The following TMEM50B variants were observed in gnomAD, a reference collection of about 807,000 sequenced individuals.
TMEM50B encodes transmembrane protein 50B.
In TMEM50B, 14 loss-of-function variants were observed where a neutral mutation model predicts 23.4. That is an observed-to-expected ratio of 0.60 (90% confidence interval 0.39 to 0.93). TMEM50B has a LOEUF of 0.93. Ranked by LOEUF, TMEM50B falls within the 40% of genes least tolerant of loss-of-function variation. TMEM50B has a pLI of 0.00. For missense variants in TMEM50B, 159 were observed against 193.0 expected (o/e 0.82, Z 1.04); for synonymous variants, 64 against 62.3 (o/e 1.03, Z -0.13).
downstream of TMEM50B, among the ~76,000 whole-genome samples, chr21:33,444,592 G>A (rs2084035840): frequency 6.6e-6 from 1 of 151,778 alleles, no homozygotes; most frequent in Non-Finnish European, 1.5e-5. Context: ...CATGGTGGGA[G>A]GGAAGTACAC....
chr21:33,457,130 T>C (rs2084176227), intron 5 of TMEM50B, among the ~76,000 whole-genome samples: 1 of 151,628 alleles, frequency 6.6e-6, no homozygotes, highest in East Asian at 2.0e-4. Context: ...GGTGGATGGC[T>C]GTAATCCCAG....
intron 8 of TMEM50B, chr21:33,436,908 G>C: frequency 1.2e-6 from 2 of 1,613,974 alleles, no homozygotes; most frequent in African/African-American, 1.3e-5. Flanking sequence ...GGGACTCTGT[G>C]TCCATTATCT....
chr21:33,441,615 T>TTTTGTGATCATTTTTATTTA (rs1165890183), intron 7 of TMEM50B, among the ~76,000 whole-genome samples: 1 of 152,002 alleles, frequency 6.6e-6, no homozygotes, highest in Non-Finnish European at 1.5e-5. Flanking sequence ...TTTTGCAGTC[T>TTTTGTGATCATTTTTATTTA]TTTGTGATCA....
chr21:33,456,044 C>T (rs1391467224), intron 5 of TMEM50B: 2 of 664,240 alleles, frequency 3.0e-6, no homozygotes, highest in African/African-American at 1.8e-5. Context: ...GTTCTAGCTA[C>T]ATCAAAACTG....
At chr21:33,455,174 CAT>C (rs1276065857) in intron 6 of TMEM50B, among the ~76,000 whole-genome samples, 1 of 151,886 alleles carries the variant, frequency 6.6e-6, no homozygotes, top group Non-Finnish European at 1.5e-5. Context: ...TAACACCTGA[CAT>C]ATATTTAAAA....
Position 33,432,992 on chromosome 21 carries a change from T to C in TMEM50B, c.*2121-190A>G, listed in dbSNP as rs1033086578. ...CCTCCATCTCCCAGGTTCAAGCGAT[T>C]CTCCTGCCTCAGCCTCCTGAGTAGC... On this transcript the variant is annotated intron_variant and NMD_transcript_variant, in intron 8 of 8. Transcript: ENST00000420455. 3 of 822,096 alleles carry C rather than the reference T, an allele frequency of 3.6e-6. No individual in the cohort carries two copies. The African/African-American group carries it at 5.1e-5, about 14-fold the overall frequency. The allele number at this position is 822,096 out of a possible 1,614,324, so 50.9% of individuals were successfully genotyped here. A position where few individuals can be genotyped will look rare whatever the true frequency, so the allele number is the denominator to read the frequency against.
At chr21:33,434,239 C>T (rs1278318364) in intron 8 of TMEM50B, among the ~76,000 whole-genome samples, 2 of 152,000 alleles carry the variant, frequency 1.3e-5, no homozygotes, top group Non-Finnish European at 1.5e-5. Flanking sequence ...AAAGCATTTG[C>T]AGCCGGGCGC....
chr21:33,464,354 C>T (rs544599035), intron 4 of TMEM50B, among the ~76,000 whole-genome samples: 80 of 151,760 alleles, frequency 5.3e-4, no homozygotes, highest in African/African-American at 1.9e-3. Flanking sequence ...TGTGTCACCA[C>T]GCCTGGCTAA....
At chr21:33,448,024 GC>G (rs1438386836), downstream of TMEM50B, among the ~76,000 whole-genome samples, 2 of 151,948 alleles carry the variant, frequency 1.3e-5, no homozygotes, top group African/African-American at 4.8e-5. Flanking sequence ...ACGGAGTCTC[GC>G]TTTGTCACCC....
chr21:33,455,674 A>G, intron 6 of TMEM50B, 53 bp downstream of exon 6: 5 of 1,429,312 alleles, frequency 3.5e-6, no homozygotes, highest in Non-Finnish European at 4.9e-6. Flanking sequence ...GCCTTAATTA[A>G]GTTGACATTT....
intron 6 of TMEM50B, among the ~76,000 whole-genome samples, chr21:33,454,863 T>C (rs1202403655): frequency 6.6e-6 from 1 of 151,822 alleles, no homozygotes; most frequent in African/African-American, 2.4e-5. Context: ...GTGGCTATAA[T>C]CCCAGCACTT....
intron 1 of TMEM50B, among the ~76,000 whole-genome samples, chr21:33,471,086 G>A (rs911144811): frequency 1.1e-4 from 16 of 152,042 alleles, no homozygotes; most frequent in African/African-American, 3.6e-4. Context: ...GAAATTGAAG[G>A]GGGACATCTC....
At chr21:33,463,287 G>A (rs7283459) in intron 4 of TMEM50B, among the ~76,000 whole-genome samples, 62,828 of 152,064 alleles carry the variant, frequency 0.41, 15,047 homozygotes, top group Non-Finnish European at 0.54. Context: ...GCGAGACTCC[G>A]TCTCAAACAA....
intron 1 of TMEM50B, among the ~76,000 whole-genome samples, chr21:33,478,639 A>C (rs1373740290): frequency 6.6e-6 from 1 of 152,148 alleles, no homozygotes; most frequent in Non-Finnish European, 1.5e-5. Context: ...CCGGAAGAAG[A>C]AATATACGTC....
rs1270373357 is a variant in TMEM50B at position 33,466,534 on chromosome 21, A to C, written c.212+476T>G. Among the ~76,000 whole-genome samples, 5 of 152,166 alleles carry C rather than the reference A, an allele frequency of 3.3e-5. No individual in the cohort carries two copies. In the East Asian group the frequency reaches 5.8e-4, roughly 18 times the overall value. ...CAAGGTAAAAGTTGAGTGTACTACA[A>C]CACCTACGGGTGATTTACTACTAAA... On this transcript the variant is annotated intron_variant, in intron 3 of 6. Transcript: ENST00000542230.
intron 8 of TMEM50B, chr21:33,437,139 T>C (rs80105113): frequency 3.2e-5 from 19 of 584,830 alleles, no homozygotes; most frequent in African/African-American, 2.3e-4. Context: ...TTTTTTTTTT[T>C]CTTAAAGAAT....
At chr21:33,454,449 C>T (rs2084150867) in intron 6 of TMEM50B, among the ~76,000 whole-genome samples, 1 of 151,998 alleles carries the variant, frequency 6.6e-6, no homozygotes, top group Admixed American at 6.6e-5. Flanking sequence ...TACAGGCACA[C>T]ACCACCATGC....
intron 4 of TMEM50B, among the ~76,000 whole-genome samples, chr21:33,463,167 C>T (rs2084232560): frequency 6.6e-6 from 1 of 152,184 alleles, no homozygotes; most frequent in South Asian, 2.1e-4. Context: ...TGGCAGGCAC[C>T]TGTAATCCCA....
intron 8 of TMEM50B, among the ~76,000 whole-genome samples, chr21:33,434,463 A>T (rs530081332): frequency 6.6e-6 from 1 of 152,324 alleles, no homozygotes; most frequent in African/African-American, 2.4e-5. Context: ...TGGAAGTTAC[A>T]GTAAGCCAAT....
Sources: gnomAD v4.1 joint callset for allele counts (sites outside exome capture counted in the v4.1 genomes callset) on GRCh38, gnomAD v4.1.1 for gene constraint, MANE v1.5 for transcripts, NCBI Gene and HGNC (gene_info 2026-07-23, HGNC 2026-07-21) for gene names.